Variants in MAST4 observed in about 807,000 individuals in gnomAD.
MAST4 encodes the protein microtubule-associated serine/threonine-protein kinase 4.
Under a neutral mutation model 162.7 loss-of-function variants are expected in MAST4, and 89 were observed. That is an observed-to-expected ratio of 0.55 (90% CI 0.46 to 0.65). MAST4 has a LOEUF of 0.65. Among genes scored for constraint, MAST4 ranks in the 30% least tolerant of loss-of-function variants. The probability of loss-of-function intolerance (pLI) is 0.00; values close to 1 mark genes in which losing one functional copy is unlikely to be tolerated. For missense variants in MAST4, 3,153 were observed against 3,374.0 expected, an observed-to-expected ratio of 0.93 and a Z score of 1.62; for synonymous variants, 1,479 against 1,361.1, an observed-to-expected ratio of 1.09 and a Z score of -1.91.
chr5:66,828,672 C>T (rs1367058938), intron 3 of MAST4: 2 of 868,134 alleles, frequency 2.3e-6, no homozygotes, highest in Non-Finnish European at 3.5e-6. Flanking sequence ...TCCGTGATCT[C>T]CGAAGTTGCT....
intron 1 of MAST4, among the ~76,000 whole-genome samples, chr5:66,671,073 CAT>C (rs370502714): frequency 1.3e-3 from 194 of 152,248 alleles, no homozygotes; most frequent in African/African-American, 4.5e-3. Context: ...TGTGCCATTT[CAT>C]AGTCTTGTTC....
intron 1 of MAST4, among the ~76,000 whole-genome samples, chr5:66,683,804 C>A (rs1022455219): frequency 2.6e-5 from 4 of 152,184 alleles, no homozygotes; most frequent in Non-Finnish European, 5.9e-5. Context: ...TCTGAAATAA[C>A]CAGTAGGCCA....
At chr5:66,997,588 T>G (rs182022348) in intron 4 of MAST4, among the ~76,000 whole-genome samples, 8 of 152,028 alleles carry the variant, frequency 5.3e-5, no homozygotes, top group Non-Finnish European at 1.0e-4. Flanking sequence ...CCTGCCACCA[T>G]GCCCAGCTAA....
chr5:67,117,431 C>A (rs1165969344), intron 12 of MAST4, among the ~76,000 whole-genome samples: 1 of 152,044 alleles, frequency 6.6e-6, no homozygotes, highest in African/African-American at 2.4e-5. Flanking sequence ...TGCTTCATAT[C>A]TCTTAGGCAT....
Position 66,957,658 on chromosome 5 carries a change from G to A in MAST4, c.674+57676G>A, listed in dbSNP as rs1044625047. On this transcript the variant is annotated intron_variant, in intron 4 of 28. Coordinates refer to ENST00000403625, the MANE Select transcript of MAST4 (RefSeq NM_001164664.2). ...TAGTTAACAATGGGCATTAACAAATGCCCCAGAGCAAGTTGATAGTTAAGG... is the reference window on the plus strand; with the variant it reads ...TAGTTAACAATGGGCATTAACAAATACCCCAGAGCAAGTTGATAGTTAAGG... 5.3e-5 allele frequency among the ~76,000 whole-genome samples: 8 copies of A among 152,164 alleles called. 1 individual carries two copies. Among genetic ancestry groups the A allele is most frequent in the Admixed American group, 5.2e-4 (8 of 15,278 alleles).
intron 10 of MAST4, among the ~76,000 whole-genome samples, chr5:67,105,432 G>C (rs570401447): frequency 6.6e-6 from 1 of 152,114 alleles, no homozygotes; most frequent in Non-Finnish European, 1.5e-5. Flanking sequence ...TTTAGCTGGC[G>C]AGATAAGATC....
intron 4 of MAST4, among the ~76,000 whole-genome samples, chr5:67,012,962 T>C (rs1752871834): frequency 6.6e-6 from 1 of 152,214 alleles, no homozygotes; most frequent in African/African-American, 2.4e-5. Context: ...CTTTGATCAG[T>C]ACTTGAAGGT....
chr5:66,866,018 T>C (rs1346960443), intron 3 of MAST4, among the ~76,000 whole-genome samples: 14 of 141,748 alleles, frequency 9.9e-5, no homozygotes, highest in Admixed American at 3.0e-4. Flanking sequence ...GAGGTTGCAG[T>C]GAGCCTAGAT....
At position 67,149,710 on chromosome 5, in the gene MAST4, C is replaced by CA. The variant is rs1771573555; in HGVS notation, c.3295+122dup. Reference sequence around the variant, plus strand: ...CTTGAAGTAATAACGGGTCATGTCCCAGGACAGCTCTTGAGAGCTTCTGCC... The same window carrying CA: ...CTTGAAGTAATAACGGGTCATGTCCCAAGGACAGCTCTTGAGAGCTTCTGCC... On this transcript the variant is annotated intron_variant, in intron 24 of 28. Coordinates refer to ENST00000403625, the MANE Select transcript of MAST4 (RefSeq NM_001164664.2). 7 of 988,426 alleles carry CA rather than the reference C, an allele frequency of 7.1e-6. No homozygotes were observed. The Admixed American group carries it at 1.5e-4, about 20-fold the overall frequency. The allele number at this position is 988,426 out of a possible 1,614,324, so 61.2% of individuals were successfully genotyped here. A position where few individuals can be genotyped will look rare whatever the true frequency, so the allele number is the denominator to read the frequency against.
At position 67,049,047 on chromosome 5, in the gene MAST4, ATATATATATATACG is replaced by A. The variant is rs1178099843; in HGVS notation, c.675-5344_675-5331del. ...CGTATATATATATATATATACGTGT[ATATATATATATACG>A]TATATATATATATATATACACTACC... On this transcript the variant is annotated intron_variant, in intron 4 of 28. Transcript: ENST00000403625. Among the ~76,000 whole-genome samples the A allele has an allele frequency of 2.6e-4, 29 of 112,824 alleles. 1 individual carries two copies. Among genetic ancestry groups the A allele is most frequent in the South Asian group, 2.7e-4 (1 of 3,704 alleles). 74.0% of individuals were successfully genotyped at this position (112,824 alleles called of 152,430 possible).
intron 4 of MAST4, among the ~76,000 whole-genome samples, chr5:67,020,412 C>A (rs985950046): frequency 6.6e-6 from 1 of 152,210 alleles, no homozygotes; most frequent in African/African-American, 2.4e-5. Flanking sequence ...AATTTGGTTT[C>A]TTTCCCCTTT....
intron 1 of MAST4, among the ~76,000 whole-genome samples, chr5:66,622,484 G>GGT (rs1185759079): frequency 1.3e-5 from 2 of 150,518 alleles, no homozygotes; most frequent in African/African-American, 2.4e-5. Flanking sequence ...TAAGTAGAAG[G>GGT]GTGACAAGAT....
chr5:66,838,647 G>A (rs1198352372), intron 3 of MAST4, among the ~76,000 whole-genome samples: 1 of 152,196 alleles, frequency 6.6e-6, no homozygotes, highest in Non-Finnish European at 1.5e-5. Flanking sequence ...GCGGAAGGAA[G>A]CCGGGAAGCC....
chr5:66,944,124 TA>T (rs1743690952), intron 4 of MAST4, among the ~76,000 whole-genome samples: 1 of 152,188 alleles, frequency 6.6e-6, no homozygotes, highest in South Asian at 2.1e-4. Flanking sequence ...TTACAATTCC[TA>T]TTTCCTTCTG....
In MAST4 at chr5:67,164,089, G is replaced by A. The variant is rs1360311068; in HGVS notation, c.4910G>A (p.Arg1637Lys). ...CACCGCCAGGGTGGCGGGGACTTCA[G>A]ACGGGCCCCCGCTCCTGGCACCCTC... ...AEHRQGGGDF[R>K]RAPAPGTLQD... is the part of the protein sequence containing the mutation. The change falls in exon 29 of 29, where the codon AGA becomes AAA. Residue 1637 changes from arginine (R) to lysine (K), a missense_variant. Physicochemically the swap from Arg to Lys is conservative, Grantham distance 26. This residue lies in a region of MAST4 where 1,644 missense variants were observed against 1,495.0 expected (regional missense o/e 1.10). Coordinates refer to ENST00000403625, the MANE Select transcript of MAST4 (RefSeq NM_001164664.2). This position sits in a 1 kb window ranked among gnomAD's most constrained non-coding sequence, Gnocchi z 5.3. 6.4e-7 allele frequency: 1 copy of A among 1,572,012 alleles called. No homozygotes were observed. Among genetic ancestry groups the A allele is most frequent in the Non-Finnish European group, 8.6e-7 (1 of 1,158,132 alleles).
chr5:67,127,968 T>C (rs1212194994), intron 14 of MAST4, among the ~76,000 whole-genome samples: 1 of 152,228 alleles, frequency 6.6e-6, no homozygotes, highest in African/African-American at 2.4e-5. Flanking sequence ...TACAATATAT[T>C]GTTTCTGTTT....
intron 4 of MAST4, among the ~76,000 whole-genome samples, chr5:66,967,163 A>G (rs1365243574): frequency 3.3e-5 from 5 of 152,186 alleles, no homozygotes; most frequent in African/African-American, 1.2e-4. Context: ...GGTGGGGCTT[A>G]AAGGTCTAGG....
chr5:66,873,766 A>G (rs1041165749), intron 3 of MAST4, among the ~76,000 whole-genome samples: 11 of 152,210 alleles, frequency 7.2e-5, no homozygotes, highest in African/African-American at 2.4e-4. Flanking sequence ...CCTTAGAACT[A>G]GATATATCAC....
Position 66,759,880 on chromosome 5 carries a change from G to A in MAST4, c.517+18G>A, listed in dbSNP as rs753102776. 1.2e-6 allele frequency: 2 copies of A among 1,612,794 alleles called. No individual in the cohort carries two copies. Among genetic ancestry groups the A allele is most frequent in the African/African-American group, 1.3e-5 (1 of 74,876 alleles). On this transcript the variant is annotated intron_variant, in intron 2 of 28. Coordinates refer to ENST00000403625, the MANE Select transcript of MAST4 (RefSeq NM_001164664.2). The stretch of plus-strand genomic sequence containing the variant: ...CCTGACTGGTGAGTCGCAGCGGCTT[G>A]GATGAGAGAAGGAATTGCATTTCTT...
Sources: gnomAD v4.1 joint callset for allele counts (sites outside exome capture counted in the v4.1 genomes callset) on GRCh38, gnomAD v4.1.1 for gene constraint, gnomAD v4.1.1 regional missense constraint, Gnocchi (gnomAD v3.1) non-coding constraint, MANE v1.5 for transcripts, NCBI Gene and HGNC (gene_info 2026-07-23, HGNC 2026-07-21) for gene names.